EXOC6B: variants seen among roughly 807,000 people sequenced by gnomAD.
The protein encoded by EXOC6B is SEC15 homolog B.
Under a neutral mutation model 113.5 loss-of-function variants are expected in EXOC6B, and 54 were observed. That is an observed-to-expected ratio of 0.48 (90% CI 0.38 to 0.60). The LOEUF (loss-of-function observed/expected upper bound fraction) is 0.60, where lower values mean the gene tolerates loss of function less well. EXOC6B is among the 20% of genes least tolerant of loss of function. EXOC6B has a pLI of 0.00. For synonymous variants in EXOC6B, 357 were observed against 339.0 expected, an observed-to-expected ratio of 1.05 and a Z score of -0.58; for missense variants, 797 against 977.5, an observed-to-expected ratio of 0.82 and a Z score of 2.46.
intron 6 of EXOC6B, among the ~76,000 whole-genome samples, chr2:72,651,006 C>T (rs1446009017): frequency 6.6e-6 from 1 of 151,986 alleles, no homozygotes; most frequent in African/African-American, 2.4e-5. Flanking sequence ...TATCTTGAAC[C>T]CTAAGTTTAC....
chr2:72,615,156 G>A (rs1165940648), intron 6 of EXOC6B, among the ~76,000 whole-genome samples: 1 of 152,004 alleles, frequency 6.6e-6, no homozygotes, highest in Non-Finnish European at 1.5e-5. Flanking sequence ...TAGAGATAAA[G>A]ACCATCTAAT....
chr2:72,595,817 A>G (rs1190069596), intron 6 of EXOC6B, among the ~76,000 whole-genome samples: 1 of 152,198 alleles, frequency 6.6e-6, no homozygotes, highest in Non-Finnish European at 1.5e-5. Context: ...AGATTAAGAG[A>G]AAAGAACAAG....
At chr2:72,622,530 A>G (rs1454728327) in intron 6 of EXOC6B, among the ~76,000 whole-genome samples, 2 of 152,132 alleles carry the variant, frequency 1.3e-5, no homozygotes, top group Non-Finnish European at 2.9e-5. Flanking sequence ...CCTGGGCAAC[A>G]TGGCAAAACC....
chr2:72,695,141 C>T lies in EXOC6B; in HGVS notation c.669+22962G>A, dbSNP rs537454975. ...CGGCTGGATGCTTTGGGGTTCAGCT[C>T]GGACATCTGTTAATCTCTCTGGCTA... On this transcript the variant is annotated intron_variant, in intron 6 of 21. Transcript: ENST00000272427. Among the ~76,000 whole-genome samples the T allele has an allele frequency of 4.6e-5, 7 of 152,256 alleles. No individual in the cohort carries two copies. The South Asian group carries it at 1.5e-3, about 32-fold the overall frequency.
chr2:72,548,942 G>T (rs917340770), intron 8 of EXOC6B, among the ~76,000 whole-genome samples: 1 of 152,112 alleles, frequency 6.6e-6, no homozygotes, highest in African/African-American at 2.4e-5. Flanking sequence ...AACCCGGGAG[G>T]CGGAGCTTGC....
rs1486927980 is a variant in EXOC6B at position 72,326,483 on chromosome 2, G to A, written c.2196+8464C>T. Among the ~76,000 whole-genome samples, 3 of 152,032 alleles carry A rather than the reference G, an allele frequency of 2.0e-5. No homozygotes were observed. In the South Asian group the frequency reaches 6.2e-4, roughly 32 times the overall value. On this transcript the variant is annotated intron_variant, in intron 20 of 21. Transcript: ENST00000272427. Reference sequence around the variant, plus strand: ...GAGAGGATTGACAATGCTGTCTGTGGACTAAGGTAGCAATTGCTAGGTGGC... The same window carrying A: ...GAGAGGATTGACAATGCTGTCTGTGAACTAAGGTAGCAATTGCTAGGTGGC...
intron 20 of EXOC6B, among the ~76,000 whole-genome samples, chr2:72,307,243 G>A (rs796307874): frequency 6.7e-6 from 1 of 148,862 alleles, no homozygotes; most frequent in African/African-American, 2.6e-5. Flanking sequence ...AGGTTCAAGC[G>A]ATTCCCCTGC....
chr2:72,713,216 C>T lies in EXOC6B; in HGVS notation c.669+4887G>A, dbSNP rs568743623. 3.9e-5 allele frequency among the ~76,000 whole-genome samples: 6 copies of T among 152,190 alleles called. 1 individual carries two copies. The East Asian group carries it at 1.2e-3, about 29-fold the overall frequency. ...CATGGATCACTGCAGCAACTCAGGA[C>T]ACATTGGGTAGAAGAATAAAAAGAG... is the stretch of plus-strand genomic sequence containing the variant. On this transcript the variant is annotated intron_variant, in intron 6 of 21. Coordinates refer to ENST00000272427, the MANE Select transcript of EXOC6B (RefSeq NM_015189.3).
At chr2:72,799,865 G>T (rs1226641990) in intron 1 of EXOC6B, among the ~76,000 whole-genome samples, 1 of 151,972 alleles carries the variant, frequency 6.6e-6, no homozygotes, top group Non-Finnish European at 1.5e-5. Context: ...AGGGGTTCAA[G>T]ACCAGCCTGG....
intron 6 of EXOC6B, among the ~76,000 whole-genome samples, chr2:72,705,305 T>G (rs1471170790): frequency 6.6e-6 from 1 of 152,002 alleles, no homozygotes; most frequent in Non-Finnish European, 1.5e-5. Context: ...CTCAATAAAT[T>G]AGGTATTGAT....
intron 6 of EXOC6B, among the ~76,000 whole-genome samples, chr2:72,701,858 T>A (rs1212242182): frequency 1.3e-5 from 2 of 151,974 alleles, no homozygotes; most frequent in East Asian, 3.9e-4. Flanking sequence ...CTACTTCCCT[T>A]CCAGTTAACC....
At chr2:72,506,077 ATATT>A in intron 11 of EXOC6B, among the ~76,000 whole-genome samples, 1 of 152,118 alleles carries the variant, frequency 6.6e-6, no homozygotes, top group South Asian at 2.1e-4. Context: ...AGTCTGATCT[ATATT>A]TATGCATTTA....
chr2:72,659,626 C>T (rs1174050267), intron 6 of EXOC6B, among the ~76,000 whole-genome samples: 1 of 151,960 alleles, frequency 6.6e-6, no homozygotes, highest in Non-Finnish European at 1.5e-5. Context: ...TTGCAGTGAC[C>T]ACAGTGTTGG....
chr2:72,433,067 T>C (rs1332926575), intron 18 of EXOC6B, among the ~76,000 whole-genome samples: 2 of 152,208 alleles, frequency 1.3e-5, no homozygotes, highest in East Asian at 3.8e-4. Flanking sequence ...CTTTAATCCA[T>C]TTTGAGTTAA....
At chr2:72,786,002 T>C (rs949978379) in intron 1 of EXOC6B, among the ~76,000 whole-genome samples, 37 of 152,178 alleles carry the variant, frequency 2.4e-4, no homozygotes, top group Non-Finnish European at 1.5e-4. Context: ...GACAGGAGAA[T>C]GGCTTAAGCC....
At chr2:72,286,698 C>G (rs1212298860) in intron 20 of EXOC6B, among the ~76,000 whole-genome samples, 1 of 151,942 alleles carries the variant, frequency 6.6e-6, no homozygotes. Flanking sequence ...ACATACCACT[C>G]TGGGGGGAAT....
intron 1 of EXOC6B, among the ~76,000 whole-genome samples, chr2:72,810,336 A>AAAATAAATAAATAAAT (rs150111513): frequency 7.1e-6 from 1 of 140,248 alleles, no homozygotes; most frequent in Non-Finnish European, 1.5e-5. Flanking sequence ...CCTTGTCTCT[A>AAAATAAATAAATAAAT]AAATAAATAA....
rs1699778613 is a variant in EXOC6B at position 72,492,263 on chromosome 2, C to T, written c.1665+55G>A. 4.8e-6 allele frequency: 5 copies of T among 1,047,414 alleles called. No individual in the cohort carries two copies. The Admixed American group carries it at 8.8e-5, about 19-fold the overall frequency. The allele number at this position is 1,047,414 out of a possible 1,614,324, so 64.9% of individuals were successfully genotyped here. A position where few individuals can be genotyped will look rare whatever the true frequency, so the allele number is the denominator to read the frequency against. Reference sequence around the variant, plus strand: ...ACGAATTCAGACATAAGGCCCAGAGCTTAGGACATCTGTTCACATACTGGC... The same window carrying T: ...ACGAATTCAGACATAAGGCCCAGAGTTTAGGACATCTGTTCACATACTGGC... On this transcript the variant is annotated intron_variant, in intron 16 of 21. Coordinates refer to ENST00000272427, the MANE Select transcript of EXOC6B (RefSeq NM_015189.3).
chr2:72,362,726 T>G (rs1690395260), intron 19 of EXOC6B, among the ~76,000 whole-genome samples: 2 of 152,124 alleles, frequency 1.3e-5, no homozygotes, highest in South Asian at 4.1e-4. Flanking sequence ...CTGAGGCTCC[T>G]GCAAAATGCA....
Sources: allele counts gnomAD v4.1 joint callset (sites outside exome capture counted in the v4.1 genomes callset), GRCh38; gene constraint gnomAD v4.1.1; transcripts MANE v1.5; gene names NCBI Gene and HGNC (gene_info 2026-07-23, HGNC 2026-07-21).